Variants in TNKS observed in about 807,000 individuals in gnomAD.
TNKS encodes the protein poly [ADP-ribose] polymerase tankyrase-1.
Under a neutral mutation model 135.8 loss-of-function variants are expected in TNKS, and 72 were observed. The ratio of observed to expected loss-of-function variants is 0.53; its 90% confidence interval spans 0.44 to 0.64. The LOEUF is 0.64. Ranked by LOEUF, TNKS falls within the 30% of genes least tolerant of loss-of-function variation. The pLI is 0.00. For missense variants in TNKS, 1,769 were observed against 1,674.0 expected, an observed-to-expected ratio of 1.06 and a Z score of -0.99; for synonymous variants, 849 against 649.3, an observed-to-expected ratio of 1.31 and a Z score of -4.68.
At chr8:9,625,086 T>C (rs1421087816) in intron 3 of TNKS, among the ~76,000 whole-genome samples, 1 of 152,126 alleles carries the variant, frequency 6.6e-6, no homozygotes, top group East Asian at 1.9e-4. Flanking sequence ...TTATTATTAT[T>C]TGATTCAATT....
At chr8:9,656,334 G>C (rs1196247503) in intron 3 of TNKS, among the ~76,000 whole-genome samples, 2 of 152,186 alleles carry the variant, frequency 1.3e-5, no homozygotes. Flanking sequence ...TTATCCAGGA[G>C]AACTTCCCAA....
intron 3 of TNKS, among the ~76,000 whole-genome samples, chr8:9,622,756 C>T (rs1799912691): frequency 6.6e-6 from 1 of 152,006 alleles, no homozygotes; most frequent in Admixed American, 6.6e-5. Flanking sequence ...CCTAATATTG[C>T]CAGTAAGACT....
chr8:9,727,211 G>A (rs897898849), intron 13 of TNKS, among the ~76,000 whole-genome samples: 2 of 152,190 alleles, frequency 1.3e-5, no homozygotes, highest in African/African-American at 4.8e-5. Context: ...TTCATATGCA[G>A]AAGATAGATT....
At position 9,556,015 on chromosome 8, in the gene TNKS, G is replaced by GCGC. The variant is rs779545265; in HGVS notation, c.87_89dup (p.Pro34dup). On this transcript the variant is annotated inframe_insertion, in exon 1 of 27. Coordinates refer to ENST00000310430, the MANE Select transcript of TNKS (RefSeq NM_003747.3). ...GCTCCAGCCCGCCCCAGGGGCTTCA[G>GCGC]CGCCGCCGCCGCCACCTCCTCCCCC... The GCGC allele has an allele frequency of 6.8e-6, 11 of 1,612,758 alleles. No homozygotes were observed. The highest frequency in any genetic ancestry group is 9.3e-6 in the Non-Finnish European group (11 of 1,179,762).
intron 1 of TNKS, chr8:9,575,153 C>G (rs993089102): frequency 1.2e-6 from 1 of 825,734 alleles, no homozygotes; most frequent in Non-Finnish European, 1.5e-6. Flanking sequence ...GGGGCGCGAT[C>G]TCGGCTCATT....
chr8:9,685,594 T>G (rs1047026976), intron 5 of TNKS, among the ~76,000 whole-genome samples: 16 of 152,202 alleles, frequency 1.1e-4, no homozygotes, highest in African/African-American at 3.6e-4. Flanking sequence ...CCAGCTGCCT[T>G]TGGATAAAAT....
chr8:9,768,593 G>C (rs976189364), intron 25 of TNKS, among the ~76,000 whole-genome samples: 1 of 152,220 alleles, frequency 6.6e-6, no homozygotes. Flanking sequence ...GCAGCTCACC[G>C]CTGGCTGAGC....
At chr8:9,570,126 T>G (rs1797700859) in intron 1 of TNKS, among the ~76,000 whole-genome samples, 1 of 152,182 alleles carries the variant, frequency 6.6e-6, no homozygotes, top group Admixed American at 6.5e-5. Context: ...AGATGCCAGG[T>G]GTTTTTTGAA....
intron 17 of TNKS, chr8:9,740,795 A>G (rs917536347): frequency 1.3e-5 from 2 of 148,576 alleles, no homozygotes; most frequent in African/African-American, 5.0e-5. Context: ...CTGCTAACAT[A>G]CTACATATAC....
chr8:9,651,221 G>C (rs1801136516), intron 3 of TNKS, among the ~76,000 whole-genome samples: 1 of 152,004 alleles, frequency 6.6e-6, no homozygotes, highest in African/African-American at 2.4e-5. Flanking sequence ...TAAATGAAGT[G>C]GGGCTCACTT....
At chr8:9,563,419 G>A (rs1797411992) in intron 1 of TNKS, among the ~76,000 whole-genome samples, 1 of 151,994 alleles carries the variant, frequency 6.6e-6, no homozygotes, top group Non-Finnish European at 1.5e-5. Context: ...CCCTCTCATA[G>A]CTACTCAGTT....
intron 3 of TNKS, among the ~76,000 whole-genome samples, chr8:9,661,649 A>C (rs1365076235): frequency 1.3e-5 from 2 of 152,228 alleles, no homozygotes; most frequent in East Asian, 3.8e-4. Context: ...AAACCTAGGC[A>C]ATACCATTCG....
At chr8:9,715,152 T>C (rs1804543426) in intron 11 of TNKS, among the ~76,000 whole-genome samples, 1 of 152,078 alleles carries the variant, frequency 6.6e-6, no homozygotes, top group South Asian at 2.1e-4. Context: ...GACTGGGGCA[T>C]TACTTAGACC....
chr8:9,766,247 T>G lies in TNKS; in HGVS notation c.3562T>G (p.Phe1188Val), dbSNP rs776280493. 9 of 1,600,920 alleles carry G rather than the reference T, an allele frequency of 5.6e-6. No individual in the cohort carries two copies. In the South Asian group the frequency reaches 1.0e-4, roughly 18 times the overall value. Residue 1188 changes from phenylalanine (F) to valine (V), a missense_variant, in exon 25 of 27, where the codon TTC (phenylalanine) becomes GTC (valine). By Grantham distance (50) the Phe-to-Val change is conservative. Coordinates refer to ENST00000310430, the MANE Select transcript of TNKS (RefSeq NM_003747.3). ...TGTCTTCGTATTTCTAGGTTCTCCT[T>G]TCATTAATGCCATTATTCATAAAGG... ...NERMLFHGSP[F>V]INAIIHKGFD... is the part of the protein sequence containing the mutation.
chr8:9,556,435 G>C lies in TNKS; in HGVS notation c.496G>C (p.Gly166Arg), dbSNP rs1646196329. The change falls in exon 1 of 27, where the codon GGG becomes CGG. Residue 166 changes from glycine (G) to arginine (R), a missense_variant. Coordinates refer to ENST00000310430, the MANE Select transcript of TNKS (RefSeq NM_003747.3). Reference sequence around the variant, plus strand: ...CGGAGTTAGCAGCACAGCACCACTGGGGCCTGGGGCAGCAGGACCTGGGAC... The same window carrying C: ...CGGAGTTAGCAGCACAGCACCACTGCGGCCTGGGGCAGCAGGACCTGGGAC... Reference protein sequence around the residue: ...AAGVSSTAPLGPGAAGPGTGV... With the variant: ...AAGVSSTAPLRPGAAGPGTGV... 6.2e-7 allele frequency: 1 copy of C among 1,614,172 alleles called. No individual in the cohort carries two copies. The highest frequency in any genetic ancestry group is 8.5e-7 in the Non-Finnish European group (1 of 1,180,048).
chr8:9,609,662 C>G (rs992072727), intron 2 of TNKS, among the ~76,000 whole-genome samples: 1 of 152,112 alleles, frequency 6.6e-6, no homozygotes, highest in African/African-American at 2.4e-5. Context: ...GTCTTGTTAG[C>G]TCATAGATGA....
chr8:9,565,079 G>T (rs879293400), intron 1 of TNKS, among the ~76,000 whole-genome samples: 4 of 151,642 alleles, frequency 2.6e-5, no homozygotes, highest in African/African-American at 9.7e-5. Flanking sequence ...TTGTGTGCCC[G>T]TTGTTTTTCT....
At position 9,734,803 on chromosome 8, in the gene TNKS, C is replaced by T. The variant is rs1805610251; in HGVS notation, c.2314-62C>T. The T allele has an allele frequency of 6.6e-6, 9 of 1,367,272 alleles. No homozygotes were observed. In the South Asian group the frequency reaches 1.2e-4, roughly 19 times the overall value. The allele number at this position is 1,367,272 out of a possible 1,614,324, so 84.7% of individuals were successfully genotyped here. A position where few individuals can be genotyped will look rare whatever the true frequency, so the allele number is the denominator to read the frequency against. ...AAAGGTAGAGTAAATTAATTACCTA[C>T]CTACCTACCTACCTACTTACTACAG... On this transcript the variant is annotated intron_variant, in intron 15 of 26. Transcript: ENST00000310430.
chr8:9,749,654 T>C (rs797006547), intron 18 of TNKS, among the ~76,000 whole-genome samples: 1 of 152,154 alleles, frequency 6.6e-6, no homozygotes, highest in African/African-American at 2.4e-5. Flanking sequence ...TTTTTGTTTT[T>C]ACTTTTTGTA....
Sources: allele counts gnomAD v4.1 joint callset (sites outside exome capture counted in the v4.1 genomes callset), GRCh38; gene constraint gnomAD v4.1.1; transcripts MANE v1.5; gene names NCBI Gene and HGNC (gene_info 2026-07-23, HGNC 2026-07-21).